PADI1: variants seen among roughly 807,000 people sequenced by gnomAD.
PADI1 encodes protein-arginine deiminase type-1.
In PADI1, 65 loss-of-function variants were observed where a neutral mutation model predicts 74.8. The observed-to-expected ratio is 0.87, with a 90% CI of 0.71 to 1.07. The LOEUF (loss-of-function observed/expected upper bound fraction) is 1.07. Ranked by LOEUF, PADI1 falls within the 50% of genes least tolerant of loss-of-function variation. PADI1 has a pLI of 0.00. For missense variants in PADI1, 943 were observed against 854.0 expected, an observed-to-expected ratio of 1.10 and a Z score of -1.30; for synonymous variants, 371 against 336.2, an observed-to-expected ratio of 1.10 and a Z score of -1.13.
At position 17,239,737 on chromosome 1, in the gene PADI1, A is replaced by G. The variant is rs1459273499; in HGVS notation, c.1586A>G (p.Glu529Gly). 6.2e-7 allele frequency: 1 copy of G among 1,614,018 alleles called. No homozygotes were observed. The highest frequency in any genetic ancestry group is 1.7e-5 in the Admixed American group (1 of 60,030). ...LKHQAKRSIN[E>G]MLADRHLQRD... Reference sequence around the variant, plus strand: ...CACCAGGCAAAAAGAAGCATTAATGAGATGCTGGCAGACAGACACCTCCAG... The same window carrying G: ...CACCAGGCAAAAAGAAGCATTAATGGGATGCTGGCAGACAGACACCTCCAG... The change falls in exon 14 of 16, where the codon GAG becomes GGG. Residue 529 changes from glutamate (E) to glycine (G), a missense_variant. Glu to Gly is a moderately conservative substitution (Grantham distance 98). Coordinates refer to ENST00000375471, the MANE Select transcript of PADI1 (RefSeq NM_013358.3).
intron 1 of PADI1, among the ~76,000 whole-genome samples, chr1:17,213,781 C>A (rs12087943): frequency 0.022 from 3,365 of 152,292 alleles, 114 homozygotes; most frequent in African/African-American, 0.074. Flanking sequence ...AGTGGGTGAA[C>A]CTGCACCTTA....
chr1:17,213,407 T>C (rs926561398), intron 1 of PADI1, among the ~76,000 whole-genome samples: 2 of 152,272 alleles, frequency 1.3e-5, no homozygotes, highest in Non-Finnish European at 2.9e-5. Flanking sequence ...ATAAACATCG[T>C]CCTATAAAAT....
intron 1 of PADI1, among the ~76,000 whole-genome samples, chr1:17,221,191 A>G (rs1177463328): frequency 6.6e-6 from 1 of 152,240 alleles, no homozygotes; most frequent in African/African-American, 2.4e-5. Context: ...ATCCCCCTGC[A>G]GAGTGGCAGA....
At chr1:17,235,745 C>T (rs2072627012) in intron 11 of PADI1, among the ~76,000 whole-genome samples, 1 of 152,102 alleles carries the variant, frequency 6.6e-6, no homozygotes, top group Admixed American at 6.5e-5. Context: ...CCTTCTCTGT[C>T]CCAGGCTCCT....
intron 10 of PADI1, among the ~76,000 whole-genome samples, chr1:17,231,750 CCTTTT>C (rs199876508): frequency 0.013 from 1,996 of 151,624 alleles, 19 homozygotes; most frequent in Non-Finnish European, 0.021. Context: ...GATGTTTCAG[CCTTTT>C]CTTTTTATTT....
chr1:17,224,649 C>T (rs1281619469), intron 4 of PADI1, among the ~76,000 whole-genome samples: 1 of 152,204 alleles, frequency 6.6e-6, no homozygotes, highest in Non-Finnish European at 1.5e-5. Flanking sequence ...ACAGCTTACC[C>T]TCTCTGGGTC....
intron 11 of PADI1, among the ~76,000 whole-genome samples, chr1:17,236,059 G>A (rs1246704122): frequency 1.3e-5 from 2 of 152,114 alleles, no homozygotes; most frequent in African/African-American, 2.4e-5. Context: ...TTAGCAGTAC[G>A]GTCAGAACCC....
chr1:17,208,453 C>A (rs1245423721), intron 1 of PADI1, among the ~76,000 whole-genome samples: 1 of 150,222 alleles, frequency 6.7e-6, no homozygotes, highest in Non-Finnish European at 1.5e-5. Context: ...GTCCACCACC[C>A]ACCCCAGTGG....
chr1:17,223,828 G>A, intron 3 of PADI1, 135 bp downstream of exon 3: 1 of 715,616 alleles, frequency 1.4e-6, no homozygotes, highest in Non-Finnish European at 2.4e-6. Flanking sequence ...GGATTCCTCG[G>A]GACCTTCTGT....
chr1:17,230,029 C>T, intron 8 of PADI1, 56 bp from the exon 9 acceptor site: 1 of 1,560,870 alleles, frequency 6.4e-7, no homozygotes, highest in Non-Finnish European at 8.7e-7. Flanking sequence ...AGGCCACTCA[C>T]ACCTCAGCCA....
intron 1 of PADI1, among the ~76,000 whole-genome samples, chr1:17,213,172 T>C (rs2071877909): frequency 4.5e-5 from 1 of 22,174 alleles, no homozygotes; most frequent in African/African-American, 1.4e-4. Flanking sequence ...ATCTGTGAAG[T>C]GGGGACGTAA....
At chr1:17,218,955 G>A (rs1298673598) in intron 1 of PADI1, among the ~76,000 whole-genome samples, 2 of 152,170 alleles carry the variant, frequency 1.3e-5, no homozygotes, top group Admixed American at 1.3e-4. Context: ...AGTGACAAGG[G>A]GGAAGAGTGG....
At chr1:17,240,834 AGGCTG>A in intron 15 of PADI1, 74 bp downstream of exon 15, 1 of 1,537,734 alleles carries the variant, frequency 6.5e-7, no homozygotes, top group Non-Finnish European at 8.9e-7. Context: ...GGCCCAGGGC[AGGCTG>A]GTGCAGAGGC....
intron 1 of PADI1, among the ~76,000 whole-genome samples, chr1:17,221,778 AG>A (rs1225851026): frequency 2.0e-5 from 3 of 152,230 alleles, no homozygotes; most frequent in Non-Finnish European, 4.4e-5. Context: ...GGAGGCAGTC[AG>A]CAAGGTGGCA....
chr1:17,205,233 G>A lies in PADI1; in HGVS notation c.16G>A (p.Val6Ile). 1 of 1,614,098 alleles carries A rather than the reference G, an allele frequency of 6.2e-7. No individual in the cohort carries two copies. The stretch of plus-strand genomic sequence containing the variant: ...AGGTGACAGGATGGCCCCAAAGAGA[G>A]TTGTGCAGCTGTCCCTGAAGATGCC... MAPKR[V>I]VQLSLKMPTH... The change falls in exon 1 of 16, where the codon GTT becomes ATT. Residue 6 changes from valine to isoleucine, a missense_variant. Physicochemically the swap from Val to Ile is conservative, Grantham distance 29. Coordinates refer to ENST00000375471, the MANE Select transcript of PADI1 (RefSeq NM_013358.3).
intron 1 of PADI1, among the ~76,000 whole-genome samples, chr1:17,218,351 A>AC (rs892197304): frequency 6.6e-5 from 10 of 151,868 alleles, no homozygotes; most frequent in South Asian, 6.3e-4. Context: ...ATGCATAAGA[A>AC]CCCCCCCACT....
rs373516000 is a variant in PADI1 at position 17,207,602 on chromosome 1, G to A, written c.92+2293G>A. Among the ~76,000 whole-genome samples the A allele has an allele frequency of 2.2e-4, 33 of 152,338 alleles. No individual in the cohort carries two copies. The East Asian group carries it at 4.8e-3, about 22-fold the overall frequency. ...CACACCTGAGAGGATGGGAGGAGAC[G>A]AGGACAGCTCAGACTGCAAGTGCTG... is the stretch of plus-strand genomic sequence containing the variant. On this transcript the variant is annotated intron_variant, in intron 1 of 15. Transcript: ENST00000375471.
chr1:17,238,763 C>A (rs2072711449), intron 13 of PADI1, 54 bp downstream of exon 13: 3 of 910,610 alleles, frequency 3.3e-6, no homozygotes, highest in Admixed American at 3.2e-5. Context: ...TCATCACCAT[C>A]CTTGGGTACA....
intron 1 of PADI1, among the ~76,000 whole-genome samples, chr1:17,221,857 CCA>C (rs1472225277): frequency 1.3e-5 from 2 of 152,230 alleles, no homozygotes; most frequent in Non-Finnish European, 2.9e-5. Flanking sequence ...TTGATGGAAA[CCA>C]CTGCTTTCCA....
Sources: allele counts gnomAD v4.1 joint callset (sites outside exome capture counted in the v4.1 genomes callset), GRCh38; gene constraint gnomAD v4.1.1; transcripts MANE v1.5; gene names NCBI Gene and HGNC (gene_info 2026-07-23, HGNC 2026-07-21).